FAM161B: variants seen among roughly 807,000 people sequenced by gnomAD.
FAM161B encodes the protein protein FAM161B.
A neutral mutation model predicts 61.5 loss-of-function variants in FAM161B; 46 were observed. The observed-to-expected ratio is 0.75, with a 90% CI of 0.59 to 0.96. FAM161B has a LOEUF of 0.96. Ranked by LOEUF, FAM161B falls within the 40% of genes least tolerant of loss-of-function variation. The pLI is 0.00. For missense variants in FAM161B, 774 were observed against 800.7 expected (o/e 0.97, Z 0.40); for synonymous variants, 284 against 302.7 (o/e 0.94, Z 0.64).
rs1348381464 is a variant in FAM161B, at chr14:73,933,868, C to T, written c.*388G>A. The T allele has an allele frequency of 6.3e-6, 1 of 157,686 alleles. No individual in the cohort carries two copies. Among genetic ancestry groups the T allele is most frequent in the Non-Finnish European group, 1.4e-5 (1 of 71,870 alleles). 9.8% of individuals were successfully genotyped at this position (157,686 alleles called of 1,614,324 possible). On this transcript the variant is annotated 3_prime_UTR_variant, in exon 9 of 9. Coordinates refer to ENST00000286544, the MANE Select transcript of FAM161B (RefSeq NM_152445.3). ...ACAGAGTTTTGCTCTGCTGCCCAGG[C>T]TGGAGTGCTGTGGAGTGATCTCAGC...
At chr14:73,927,089 ATT>A (rs113156661), downstream of FAM161B, 65 of 151,726 alleles carry the variant, frequency 4.3e-4, no homozygotes, top group South Asian at 4.4e-3. Context: ...GTTTATTATG[ATT>A]TTTTTTTTTT....
downstream of FAM161B, among the ~76,000 whole-genome samples, chr14:73,927,479 G>A (rs1305807785): frequency 1.3e-5 from 2 of 152,072 alleles, no homozygotes; most frequent in Admixed American, 6.6e-5. Flanking sequence ...CTTTTACCTA[G>A]TACACATTAT....
At position 73,932,800 on chromosome 14, in the gene FAM161B, G is replaced by GT. The variant is rs147305070; in HGVS notation, c.*1455dup. On this transcript the variant is annotated 3_prime_UTR_variant, in exon 9 of 9. Coordinates refer to ENST00000286544, the MANE Select transcript of FAM161B (RefSeq NM_152445.3). ...CCACCAGTCCAGCTAACTTTTTGTG[G>GT]TTTTTTTGGTAGAAATGAGGTCTGT... 23 of 214,176 alleles carry GT rather than the reference G, an allele frequency of 1.1e-4. No individual in the cohort carries two copies. Among genetic ancestry groups the GT allele is most frequent in the Middle Eastern group, 1.8e-3 (1 of 548 alleles). The allele number at this position is 214,176 out of a possible 1,614,324, so 13.3% of individuals were successfully genotyped here.
chr14:73,945,012 C>T, intron 2 of FAM161B, 127 bp from the exon 3 acceptor site: 1 of 674,954 alleles, frequency 1.5e-6, no homozygotes, highest in Admixed American at 3.5e-5. Flanking sequence ...ACCACAGCCC[C>T]ACAGGCCTCT....
In FAM161B at chr14:73,942,066, G is replaced by A. The variant is rs116722594; in HGVS notation, c.1272+303C>T. Among the ~76,000 whole-genome samples the A allele has an allele frequency of 4.3e-3, 657 of 152,222 alleles. 5 individuals carry two copies. The highest frequency in any genetic ancestry group is 0.015 in the African/African-American group (636 of 41,532). ...CTGTTGCCTAGGCTGGAGTACAGTG[G>A]CATCATCTTGGCTCACTGCAGCCAG... is the stretch of plus-strand genomic sequence containing the variant. On this transcript the variant is annotated intron_variant, in intron 4 of 8. Transcript: ENST00000286544.
rs114652163 is a variant in FAM161B at position 73,948,810 on chromosome 14, G to A, written c.54+1163C>T. Among the ~76,000 whole-genome samples the A allele has an allele frequency of 6.5e-3, 992 of 152,008 alleles. 16 individuals are homozygous for A. The highest frequency in any genetic ancestry group is 0.023 in the African/African-American group (953 of 41,466). On this transcript the variant is annotated intron_variant, in intron 1 of 8. Transcript: ENST00000286544. ...CTAAGCAACTGCCAATCTACTTTTT[G>A]CCTTTAATAGTTTGGGGTCCACCAG...
chr14:73,945,286 A>T lies in FAM161B; in HGVS notation c.375-401T>A, dbSNP rs1350537264. ...ACCAGGTTATTGGAGGAGAAAGTAA[A>T]TATTAAATAAGATAAAGTAATGAGA... On this transcript the variant is annotated intron_variant, in intron 2 of 8. Coordinates refer to ENST00000286544, the MANE Select transcript of FAM161B (RefSeq NM_152445.3). Among the ~76,000 whole-genome samples, 3 of 152,312 alleles carry T rather than the reference A, an allele frequency of 2.0e-5. No individual in the cohort carries two copies. In the East Asian group the frequency reaches 5.8e-4, roughly 29 times the overall value.
At chr14:73,924,468 C>G in the FAM161B span, among the ~76,000 whole-genome samples, 1 of 152,166 alleles carries the variant, frequency 6.6e-6, no homozygotes, top group Non-Finnish European at 1.5e-5. Flanking sequence ...ACTTTCAACT[C>G]TGTAGTTTGG....
downstream of FAM161B, chr14:73,932,145 C>T (rs2055925878): frequency 2.6e-6 from 1 of 377,446 alleles, no homozygotes. Flanking sequence ...TCTACTTGGT[C>T]ACTTTGCTTT....
rs756471049 is a variant in FAM161B, at chr14:73,940,980, T to G, written c.1346A>C (p.Asn449Thr). ...ATCTGTGATGTGCACAGGGAGAGTGTTGGCAGAGAGGGAAGCAAGGCCGCT... is the reference window on the plus strand; with the variant it reads ...ATCTGTGATGTGCACAGGGAGAGTGGTGGCAGAGAGGGAAGCAAGGCCGCT... ...SLSGLASLSA[N>T]TLPVHITDAT... Residue 449 changes from asparagine to threonine, a missense_variant, in exon 5 of 9, where the codon AAC becomes ACC. Transcript: ENST00000286544. 3 of 1,613,822 alleles carry G rather than the reference T, an allele frequency of 1.9e-6. No individual in the cohort carries two copies. Among genetic ancestry groups the G allele is most frequent in the Non-Finnish European group, 2.5e-6 (3 of 1,179,856 alleles).
At chr14:73,940,029 G>A (rs1021547307) in intron 5 of FAM161B, among the ~76,000 whole-genome samples, 7 of 152,146 alleles carry the variant, frequency 4.6e-5, no homozygotes, top group Non-Finnish European at 1.0e-4. Flanking sequence ...AGTATCCCTT[G>A]GACCGTAAAT....
downstream of FAM161B, among the ~76,000 whole-genome samples, chr14:73,929,321 G>C (rs2055877638): frequency 6.6e-6 from 1 of 151,886 alleles, no homozygotes; most frequent in African/African-American, 2.4e-5. Context: ...CTCATCCAAG[G>C]TCTAGGTAAT....
rs369764532 is a variant in FAM161B, at chr14:73,934,270, C to T, written c.1930G>A (p.Val644Ile). Residue 644 changes from valine to isoleucine, a missense_variant, in exon 9 of 9, where the codon GTA becomes ATA. Val to Ile is a conservative substitution (Grantham distance 29, BLOSUM62 3). Transcript: ENST00000286544. The stretch of plus-strand genomic sequence containing the variant: ...AAGTGTAGTGATTAAGCAAGTGATA[C>T]GAGATTTTCTGGTGACTGATGAGAC... ...ELSHQSPENLVSLA is the reference protein window; with the variant it reads ...ELSHQSPENLISLA The T allele has an allele frequency of 3.6e-5, 58 of 1,610,960 alleles. No homozygotes were observed. The highest frequency in any genetic ancestry group is 5.1e-5 in the Admixed American group (3 of 59,326).
At chr14:73,945,722 C>T (rs2056060727) in intron 2 of FAM161B, among the ~76,000 whole-genome samples, 1 of 151,716 alleles carries the variant, frequency 6.6e-6, no homozygotes, top group South Asian at 2.1e-4. Context: ...AACACGGTGC[C>T]CGGCCCATTT....
At chr14:73,934,464 G>C (rs928785828) in intron 8 of FAM161B, 70 bp from the exon 9 acceptor site, 1 of 1,472,498 alleles carries the variant, frequency 6.8e-7, no homozygotes, top group Non-Finnish European at 9.1e-7. Context: ...CTCTCACCCA[G>C]GCTGGAGTGC....
chr14:73,935,769 C>T (rs1345944434), intron 8 of FAM161B, among the ~76,000 whole-genome samples, 180 bp downstream of exon 8: 1 of 152,174 alleles, frequency 6.6e-6, no homozygotes, highest in Non-Finnish European at 1.5e-5. Context: ...TTATTCACAA[C>T]TGCATCACTC....
rs909845561 is a variant in FAM161B at position 73,932,423 on chromosome 14, T to C, written c.*1833A>G. 2.2e-6 allele frequency: 1 copy of C among 452,516 alleles called. No homozygotes were observed. Among genetic ancestry groups the C allele is most frequent in the Non-Finnish European group, 4.4e-6 (1 of 226,054 alleles). 28.0% of individuals were successfully genotyped at this position (452,516 alleles called of 1,614,324 possible). On this transcript the variant is annotated 3_prime_UTR_variant, in exon 9 of 9. Coordinates refer to ENST00000286544, the MANE Select transcript of FAM161B (RefSeq NM_152445.3). ...GGAGTCTTAGGAAACAACAAGAACA[T>C]CTTCATTTCTTAAGCCCAGGTGATA...
intron 3 of FAM161B, among the ~76,000 whole-genome samples, chr14:73,943,914 A>C (rs1428772846): frequency 1.3e-5 from 2 of 152,116 alleles, no homozygotes; most frequent in African/African-American, 4.8e-5. Context: ...ATGTGTAAAT[A>C]ATCATCCCCC....
At chr14:73,936,167 C>G in intron 7 of FAM161B, 79 bp from the exon 8 acceptor site, 1 of 1,426,448 alleles carries the variant, frequency 7.0e-7, no homozygotes, top group South Asian at 1.7e-5. Context: ...AGTATTGTTA[C>G]AATACTGCCA....
Sources: gnomAD v4.1 joint callset for allele counts (sites outside exome capture counted in the v4.1 genomes callset) on GRCh38, gnomAD v4.1.1 for gene constraint, MANE v1.5 for transcripts, NCBI Gene and HGNC (gene_info 2026-07-23, HGNC 2026-07-21) for gene names.